Variants in NBPF9 observed in about 807,000 individuals in gnomAD.
NBPF9 encodes NBPF family member NBPF9.
A neutral mutation model predicts 97.8 loss-of-function variants in NBPF9; 91 were observed. The ratio of observed to expected loss-of-function variants is 0.93; its 90% CI spans 0.79 to 1.11. The LOEUF is 1.11. Among genes scored for constraint, NBPF9 ranks in the 50% least tolerant of loss-of-function variants. The probability of loss-of-function intolerance (pLI) is 0.00; values close to 1 mark genes in which losing one functional copy is unlikely to be tolerated. For synonymous variants in NBPF9, 334 were observed against 359.5 expected, an observed-to-expected ratio of 0.93 and a Z score of 0.80; for missense variants, 992 against 939.5, an observed-to-expected ratio of 1.06 and a Z score of -0.73.
At chr1:149,086,912 A>G (rs1310115775) in intron 5 of NBPF9, among the ~76,000 whole-genome samples, 7 of 152,240 alleles carry the variant, frequency 4.6e-5, no homozygotes, top group African/African-American at 1.4e-4. Context: ...GAATGGAATG[A>G]CTGTCTATCT....
intron 14 of NBPF9, among the ~76,000 whole-genome samples, chr1:149,071,899 A>G (rs1161884011): frequency 9.2e-5 from 14 of 151,838 alleles, no homozygotes; most frequent in African/African-American, 3.4e-4. Context: ...CCAAATATTG[A>G]AAAGACCTTT....
At chr1:149,083,031 G>T (rs587723923) in intron 5 of NBPF9, among the ~76,000 whole-genome samples, 6 of 129,980 alleles carry the variant, frequency 4.6e-5, no homozygotes, top group Non-Finnish European at 9.2e-5. Context: ...CGATGGTCTC[G>T]ATCTCCTGAC....
chr1:149,072,411 C>T (rs1553653140), intron 14 of NBPF9, among the ~76,000 whole-genome samples: 2 of 152,136 alleles, frequency 1.3e-5, no homozygotes, highest in African/African-American at 4.8e-5. Context: ...TAGTCCAGAG[C>T]TCTTTTCACT....
At chr1:149,070,147 CCT>C (rs1406768341) in intron 16 of NBPF9, among the ~76,000 whole-genome samples, 1 of 145,162 alleles carries the variant, frequency 6.9e-6, no homozygotes, top group Non-Finnish European at 1.5e-5. Context: ...ATGGGGAAAC[CCT>C]GTCTCTACTA....
chr1:149,097,026 AAAG>A (rs1457772709), intron 4 of NBPF9, among the ~76,000 whole-genome samples: 26 of 151,268 alleles, frequency 1.7e-4, no homozygotes, highest in Admixed American at 6.6e-4. Flanking sequence ...AAGAAAAAGA[AAAG>A]AAGAAAGGAA....
exon 30 of NBPF9, chr1:149,054,226 A>G: frequency 7.8e-6 from 1 of 128,696 alleles, no homozygotes; most frequent in Non-Finnish European, 1.6e-5. Flanking sequence ...TTCTTTTTGC[A>G]ACAGCAGACA....
At chr1:149,103,513 T>G (rs1215062335) in exon 1 of NBPF9, 1 of 152,332 alleles carries the variant, frequency 6.6e-6, no homozygotes, top group Non-Finnish European at 1.5e-5. Context: ...GCCCATAGCC[T>G]GCGGCCAGCT....
At chr1:149,082,326 C>G (rs1412692444) in exon 6 of NBPF9, 6 of 1,546,172 alleles carry the variant, frequency 3.9e-6, no homozygotes, top group Non-Finnish European at 2.6e-6. Flanking sequence ...TCCTTCACCA[C>G]AAAAACAAGG....
At chr1:149,055,579 T>C in exon 30 of NBPF9, 6 of 1,541,518 alleles carry the variant, frequency 3.9e-6, no homozygotes, top group East Asian at 4.5e-5. Flanking sequence ...CAAATGGAAC[T>C]GTACTTTCAT....
chr1:149,073,020 C>G, intron 13 of NBPF9, 88 bp from the exon 14 acceptor site: 2 of 1,447,864 alleles, frequency 1.4e-6, no homozygotes, highest in African/African-American at 1.4e-5. Flanking sequence ...GAAACAGTGT[C>G]CTCAAGGAGA....
intron 13 of NBPF9, 50 bp from the exon 14 acceptor site, chr1:149,072,982 C>A: frequency 6.3e-7 from 1 of 1,576,794 alleles, no homozygotes; most frequent in Non-Finnish European, 8.7e-7. Flanking sequence ...GTTGAGTGAT[C>A]CGCTCAAATA....
At chr1:149,056,095 CAG>C (rs199659646) in intron 29 of NBPF9, among the ~76,000 whole-genome samples, 196 bp from the exon 30 acceptor site, 6,008 of 151,582 alleles carry the variant, frequency 0.04, 297 homozygotes, top group African/African-American at 0.14. Flanking sequence ...AAGAGAAAGA[CAG>C]AGAGAGAAAG....
chr1:149,079,103 G>C, exon 9 of NBPF9: 1 of 1,287,332 alleles, frequency 7.8e-7, no homozygotes, highest in South Asian at 1.2e-5. Flanking sequence ...GGCTCATCCG[G>C]AGTGAGGAGG....
At chr1:149,064,289 G>A (rs1435863934) in intron 19 of NBPF9, 142 bp downstream of exon 19, 29 of 731,036 alleles carry the variant, frequency 4.0e-5, no homozygotes, top group Non-Finnish European at 5.7e-5. Context: ...ACTCTAATGA[G>A]AACCAAAAAG....
chr1:149,075,076 C>G (rs2079742626), intron 12 of NBPF9, among the ~76,000 whole-genome samples: 1 of 151,480 alleles, frequency 6.6e-6, no homozygotes, highest in Admixed American at 6.6e-5. Context: ...TCCCAAAGTG[C>G]TGGGATTACA....
downstream of NBPF9, among the ~76,000 whole-genome samples, chr1:149,052,698 T>C (rs2077981323): frequency 1.3e-5 from 2 of 150,642 alleles, no homozygotes; most frequent in East Asian, 1.9e-4. Flanking sequence ...ATTGTATTTT[T>C]ACAAGTTCAG....
At chr1:149,073,942 G>A in intron 12 of NBPF9, 72 bp from the exon 13 acceptor site, 1 of 1,031,740 alleles carries the variant, frequency 9.7e-7, no homozygotes, top group South Asian at 1.3e-5. Context: ...CTACAGGGCA[G>A]GAGCCAGGTC....
chr1:149,081,260 C>T (rs2080410885), intron 7 of NBPF9, among the ~76,000 whole-genome samples: 1 of 152,102 alleles, frequency 6.6e-6, no homozygotes, highest in Non-Finnish European at 1.5e-5. Context: ...GTGGTGATTA[C>T]AGTTGCCCTC....
At chr1:149,059,707 A>T in exon 25 of NBPF9, 1 of 568,022 alleles carries the variant, frequency 1.8e-6, no homozygotes, top group East Asian at 2.7e-5. Context: ...CACCTGGGGC[A>T]TGGTGGGTTT....
Sources: gnomAD v4.1 joint callset for allele counts (sites outside exome capture counted in the v4.1 genomes callset) on GRCh38, gnomAD v4.1.1 for gene constraint, MANE v1.5 for transcripts, NCBI Gene and HGNC (gene_info 2026-07-23, HGNC 2026-07-21) for gene names.